The following DIS3L variants were observed in gnomAD, a reference collection of about 807,000 sequenced individuals.
DIS3L encodes DIS3 like exosome 3'-5' exoribonuclease.
DIS3L carries 100 observed loss-of-function variants against 120.3 expected under a neutral mutation model. The ratio of observed to expected loss-of-function variants is 0.83; its 90% confidence interval spans 0.71 to 0.98. The LOEUF (loss-of-function observed/expected upper bound fraction) is 0.98. Ranked by LOEUF, DIS3L falls within the 50% of genes least tolerant of loss-of-function variation. The probability of loss-of-function intolerance (pLI) is 0.00; values close to 1 mark genes in which losing one functional copy is unlikely to be tolerated. For synonymous variants in DIS3L, 426 were observed against 470.6 expected (o/e 0.91, Z 1.23); for missense variants, 1,196 against 1,314.2 (o/e 0.91, Z 1.39).
Position 66,308,735 on chromosome 15 carries a change from A to G in DIS3L, c.449A>G (p.Tyr150Cys), listed in dbSNP as rs772073398. ...TRSIYNAAVW[Y>C]YHHCQDRMPI... ...AGCATATACAACGCAGCTGTTTGGT[A>G]CTATCATCACTGCCAGGACAGGATG... Residue 150 changes from tyrosine (Y) to cysteine (C), a missense_variant, in exon 4 of 17, where the codon TAC (tyrosine) becomes TGC (cysteine). Transcript: ENST00000319212. The G allele has an allele frequency of 1.2e-6, 2 of 1,613,286 alleles. No individual in the cohort carries two copies. The highest frequency in any genetic ancestry group is 1.7e-6 in the Non-Finnish European group (2 of 1,179,450).
rs1566961426 is a variant in DIS3L, at chr15:66,329,594, A to G, written c.2535+195A>G. The G allele has an allele frequency of 3.9e-6, 4 of 1,019,530 alleles. No individual in the cohort carries two copies. In the East Asian group the frequency reaches 1.5e-4, roughly 38 times the overall value. 63.2% of individuals were successfully genotyped at this position (1,019,530 alleles called of 1,614,324 possible). ...GGGAGATTTGACGGTAGATTATCAG[A>G]TTTTTTTTTTTCCGAAAGGTGGAAA... On this transcript the variant is annotated intron_variant, in intron 14 of 16. Transcript: ENST00000319212.
At chr15:66,314,970 G>A (rs1278869007) in intron 6 of DIS3L, 66 bp from the exon 7 acceptor site, 63 of 1,533,144 alleles carry the variant, frequency 4.1e-5, no homozygotes, top group Middle Eastern at 1.7e-4. Flanking sequence ...TATCATGCGC[G>A]GAATGCCTCA....
At chr15:66,329,930 T>C (rs2092982532) in intron 14 of DIS3L, 3 of 982,778 alleles carry the variant, frequency 3.1e-6, no homozygotes, top group Non-Finnish European at 3.6e-6. Flanking sequence ...AAAAAAGATA[T>C]GAAGACAGAA....
In DIS3L at chr15:66,306,575, A is replaced by T. The variant is rs2092704545; in HGVS notation, c.294-249A>T. ...AGTCTCTGAAGGGGAAAGGAGAGGG[A>T]AGGAGTTTAATTGATCTGCAAACTA... On this transcript the variant is annotated intron_variant, in intron 2 of 16. Coordinates refer to ENST00000319212, the MANE Select transcript of DIS3L (RefSeq NM_001143688.3). Among the ~76,000 whole-genome samples, 3 of 152,308 alleles carry T rather than the reference A, an allele frequency of 2.0e-5. No individual in the cohort carries two copies. In the South Asian group the frequency reaches 6.2e-4, roughly 32 times the overall value.
chr15:66,318,328 G>A lies in DIS3L; in HGVS notation c.995-121G>A, dbSNP rs2092842184. ...AAAAACATTCTTGAGTTGGGTGGAT[G>A]TGCTTGAAAAAAAATAGGACACTGT... is the stretch of plus-strand genomic sequence containing the variant. On this transcript the variant is annotated intron_variant, in intron 7 of 16. Coordinates refer to ENST00000319212, the MANE Select transcript of DIS3L (RefSeq NM_001143688.3). 2.7e-6 allele frequency: 3 copies of A among 1,110,742 alleles called. No homozygotes were observed. The Admixed American group carries it at 7.6e-5, about 28-fold the overall frequency. 68.8% of individuals were successfully genotyped at this position (1,110,742 alleles called of 1,614,324 possible).
At chr15:66,308,196 C>T (rs185791629) in intron 3 of DIS3L, among the ~76,000 whole-genome samples, 150 of 152,310 alleles carry the variant, frequency 9.8e-4, no homozygotes, top group Middle Eastern at 3.4e-3. Flanking sequence ...CAGTCCTGCA[C>T]ACAGTTCTCC....
intron 2 of DIS3L, among the ~76,000 whole-genome samples, chr15:66,303,110 G>A (rs1422226200): frequency 2.6e-5 from 4 of 152,156 alleles, no homozygotes; most frequent in African/African-American, 7.2e-5. Context: ...TGCATAATGT[G>A]TCAGGGTTCA....
rs184366982 is a variant in DIS3L, at chr15:66,299,794, G to A, written c.293+4653G>A. ...TACACAGCCGGGCGCGGTGGCTCAC[G>A]CCTGTAATCCTAGCATTTTGACAGG... On this transcript the variant is annotated intron_variant, in intron 2 of 16. Coordinates refer to ENST00000319212, the MANE Select transcript of DIS3L (RefSeq NM_001143688.3). Among the ~76,000 whole-genome samples the A allele has an allele frequency of 3.0e-4, 45 of 152,262 alleles. No homozygotes were observed. The East Asian group carries it at 6.8e-3, about 23-fold the overall frequency.
Position 66,322,787 on chromosome 15 carries a change from G to C in DIS3L, c.1427G>C (p.Ser476Thr). ...KDLRKSHLVF[S>T]IDPKGCEDVD... ...TTGAGGAAAAGCCATCTCGTATTCA[G>C]CATTGACCCCAAAGGTTGTGAAGAT... The change falls in exon 10 of 17, where the codon AGC becomes ACC. Residue 476 changes from serine to threonine, a missense_variant. Ser to Thr is a moderately conservative substitution (Grantham distance 58). Transcript: ENST00000319212. 6.2e-7 allele frequency: 1 copy of C among 1,614,172 alleles called. No individual in the cohort carries two copies. Among genetic ancestry groups the C allele is most frequent in the Non-Finnish European group, 8.5e-7 (1 of 1,180,014 alleles).
rs768245373 is a variant in DIS3L, at chr15:66,326,100, G to A, written c.1937G>A (p.Cys646Tyr). ...CATGTCAGAGCTAAACGAGACGGAT[G>A]TGGTGCCCTGGAACTGGAAGGGGTA... Reference protein sequence around the residue: ...ARHVRAKRDGCGALELEGVEV... With the variant: ...ARHVRAKRDGYGALELEGVEV... The change falls in exon 12 of 17, where the codon TGT becomes TAT. Residue 646 changes from cysteine (C) to tyrosine (Y), a missense_variant. Physicochemically the swap from Cys to Tyr is radical, Grantham distance 194 (BLOSUM62 -2). Coordinates refer to ENST00000319212, the MANE Select transcript of DIS3L (RefSeq NM_001143688.3). 1.7e-5 allele frequency: 27 copies of A among 1,614,098 alleles called. No homozygotes were observed. Among genetic ancestry groups the A allele is most frequent in the Non-Finnish European group, 1.0e-5 (12 of 1,180,042 alleles).
chr15:66,294,186 T>A (rs2092558588), intron 1 of DIS3L: 2 of 985,508 alleles, frequency 2.0e-6, no homozygotes, highest in African/African-American at 3.5e-5. Context: ...TTTCCTGACC[T>A]GCCCGCACTG....
rs1299678437 is a variant in DIS3L at position 66,329,014 on chromosome 15, C to A, written c.2246C>A (p.Pro749His). 1 of 1,613,952 alleles carries A rather than the reference C, an allele frequency of 6.2e-7. No homozygotes were observed. Among genetic ancestry groups the A allele is most frequent in the Non-Finnish European group, 8.5e-7 (1 of 1,180,014 alleles). The change falls in exon 13 of 17, where the codon CCC becomes CAC. Residue 749 changes from proline to histidine, a missense_variant. Physicochemically the swap from Pro to His is moderately conservative, Grantham distance 77. Coordinates refer to ENST00000319212, the MANE Select transcript of DIS3L (RefSeq NM_001143688.3). ...LADSLDNAND[P>H]HDPIVNRLLR... ...GATTCTCTGGATAATGCGAACGACCCCCACGATCCCATTGTGAACAGGCTA... is the reference window on the plus strand; with the variant it reads ...GATTCTCTGGATAATGCGAACGACCACCACGATCCCATTGTGAACAGGCTA...
chr15:66,311,606 C>G lies in DIS3L; in HGVS notation c.559-118C>G. Reference sequence around the variant, plus strand: ...AGTGAGGCTCAGGAAGTCCTGCTCACTGAGCACCCCCTCAAGATGGCAGGC... The same window carrying G: ...AGTGAGGCTCAGGAAGTCCTGCTCAGTGAGCACCCCCTCAAGATGGCAGGC... On this transcript the variant is annotated intron_variant, in intron 4 of 16. Coordinates refer to ENST00000319212, the MANE Select transcript of DIS3L (RefSeq NM_001143688.3). The G allele has an allele frequency of 7.5e-6, 9 of 1,200,578 alleles. No homozygotes were observed. The Admixed American group carries it at 1.7e-4, about 22-fold the overall frequency. The allele number at this position is 1,200,578 out of a possible 1,614,324, so 74.4% of individuals were successfully genotyped here. A position where few individuals can be genotyped will look rare whatever the true frequency, so the allele number is the denominator to read the frequency against.
intron 1 of DIS3L, 115 bp from the exon 2 acceptor site, chr15:66,294,873 C>A: frequency 9.1e-7 from 1 of 1,100,326 alleles, no homozygotes; most frequent in Non-Finnish European, 1.3e-6. Context: ...CTTTTAAAAA[C>A]TCCCACCATG....
At chr15:66,323,783 G>T (rs1377279202) in intron 11 of DIS3L, among the ~76,000 whole-genome samples, 198 bp downstream of exon 11, 1 of 151,410 alleles carries the variant, frequency 6.6e-6, no homozygotes, top group African/African-American at 2.4e-5. Flanking sequence ...AGCCTTCCCT[G>T]CCCTTTCCCT....
At chr15:66,318,059 C>T (rs530100541) in intron 7 of DIS3L, among the ~76,000 whole-genome samples, 2 of 152,068 alleles carry the variant, frequency 1.3e-5, no homozygotes, top group African/African-American at 2.4e-5. Context: ...CTGCAAGTTC[C>T]GCCTCCCAGG....
Position 66,333,149 on chromosome 15 carries a change from C to T in DIS3L, c.3002C>T (p.Thr1001Ile). The change falls in exon 17 of 17, where the codon ACT (threonine) becomes ATT (isoleucine). Residue 1001 changes from threonine to isoleucine, a missense_variant. Transcript: ENST00000319212. ...LLKSELVKEV[T>I]KSVEEAQLAQ... ...AAGAGTGAGTTAGTGAAAGAAGTAA[C>T]TAAATCTGTGGAAGAAGCTCAGCTT... 1 of 1,613,714 alleles carries T rather than the reference C, an allele frequency of 6.2e-7. No individual in the cohort carries two copies. The highest frequency in any genetic ancestry group is 8.5e-7 in the Non-Finnish European group (1 of 1,180,010).
intron 8 of DIS3L, among the ~76,000 whole-genome samples, chr15:66,318,846 G>A (rs147079612): frequency 0.02 from 3,000 of 152,222 alleles, 58 homozygotes; most frequent in Non-Finnish European, 0.032. Context: ...AGGCTGGAGT[G>A]TAGTGGCGTG....
In DIS3L at chr15:66,311,805, G is replaced by T; in HGVS notation, c.640G>T (p.Glu214Ter). Residue 214 changes from glutamate (E) to a stop codon, truncating the protein, a stop_gained, in exon 5 of 17, where the codon GAG becomes TAG. Transcript: ENST00000319212. LOFTEE classifies it high-confidence loss of function. ...TATCCTTCAGTCTCGACGGGAGAGAGAGAATGAGAGTCAGGAGAGCCATGG... is the reference window on the plus strand; with the variant it reads ...TATCCTTCAGTCTCGACGGGAGAGATAGAATGAGAGTCAGGAGAGCCATGG... ...DSILQSRRER[E>*]NESQESHGKE... 6.2e-7 allele frequency: 1 copy of T among 1,614,164 alleles called. No homozygotes were observed.
Sources: gnomAD v4.1 joint callset for allele counts (sites outside exome capture counted in the v4.1 genomes callset) on GRCh38, gnomAD v4.1.1 for gene constraint, MANE v1.5 for transcripts, NCBI Gene and HGNC (gene_info 2026-07-23, HGNC 2026-07-21) for gene names.